PCCA: variants seen among roughly 807,000 people sequenced by gnomAD.
PCCA encodes the protein propionyl-CoA carboxylase alpha chain, mitochondrial.
In PCCA, 74 loss-of-function variants were observed where a neutral mutation model predicts 101.3. That is an observed-to-expected ratio of 0.73 (90% CI 0.61 to 0.89). PCCA has a LOEUF of 0.89. Ranked by LOEUF, PCCA falls within the 40% of genes least tolerant of loss-of-function variation. The pLI, the probability that PCCA is intolerant of heterozygous loss-of-function variation, is 0.00. For synonymous variants in PCCA, 294 were observed against 313.6 expected (o/e 0.94, Z 0.66); for missense variants, 891 against 907.0 (o/e 0.98, Z 0.23).
chr13:100,131,245 G>A (rs544637189), intron 4 of PCCA, among the ~76,000 whole-genome samples: 317 of 152,304 alleles, frequency 2.1e-3, no homozygotes, highest in Middle Eastern at 6.8e-3. Context: ...TCTGGTGCCA[G>A]AAGTGTCTCT....
intron 1 of PCCA, among the ~76,000 whole-genome samples, chr13:100,101,829 C>G (rs2047312413): frequency 2.0e-5 from 3 of 152,154 alleles, no homozygotes; most frequent in African/African-American, 7.2e-5. Flanking sequence ...TCGCAAACTC[C>G]TGACCTCAGG....
chr13:100,440,019 C>T (rs182157311), intron 20 of PCCA, among the ~76,000 whole-genome samples: 1 of 151,576 alleles, frequency 6.6e-6, no homozygotes, highest in Admixed American at 6.6e-5. Context: ...TTGAATAGGT[C>T]TTTGATATTC....
chr13:100,491,131 A>G (rs954881410), intron 21 of PCCA: 4 of 152,274 alleles, frequency 2.6e-5, no homozygotes, highest in African/African-American at 9.7e-5. Context: ...ATTGTAAGAA[A>G]TAGTCACTCA....
chr13:100,170,641 C>G (rs906724104), intron 6 of PCCA, among the ~76,000 whole-genome samples: 1 of 152,144 alleles, frequency 6.6e-6, no homozygotes. Context: ...ATGTTCCTAG[C>G]TTTTTATTCA....
At chr13:100,411,839 C>G (rs2078072046) in intron 19 of PCCA, among the ~76,000 whole-genome samples, 1 of 152,160 alleles carries the variant, frequency 6.6e-6, no homozygotes, top group Admixed American at 6.5e-5. Context: ...ACCTCATTAC[C>G]TCCCAAAGGT....
chr13:100,229,716 G>A (rs1322942169), intron 7 of PCCA, among the ~76,000 whole-genome samples: 1 of 152,238 alleles, frequency 6.6e-6, no homozygotes, highest in African/African-American at 2.4e-5. Flanking sequence ...CACAGCAGTA[G>A]GGTGGGCGCC....
At chr13:100,298,983 T>G (rs146959598) in intron 12 of PCCA, among the ~76,000 whole-genome samples, 191 of 152,142 alleles carry the variant, frequency 1.3e-3, no homozygotes, top group African/African-American at 4.2e-3. Flanking sequence ...TCAAAAATGT[T>G]TAAAATTATA....
chr13:100,156,541 T>A (rs2053910875), intron 5 of PCCA, among the ~76,000 whole-genome samples: 1 of 152,190 alleles, frequency 6.6e-6, no homozygotes, highest in Non-Finnish European at 1.5e-5. Context: ...AGCCAAAAAT[T>A]ACTTGATTGG....
At chr13:100,095,685 T>C (rs1353399494) in intron 1 of PCCA, among the ~76,000 whole-genome samples, 3 of 152,110 alleles carry the variant, frequency 2.0e-5, no homozygotes, top group Non-Finnish European at 4.4e-5. Flanking sequence ...GAGATTGCAT[T>C]TGGCATAATT....
At chr13:100,165,965 T>TATTGAA (rs1555364512) in intron 6 of PCCA, among the ~76,000 whole-genome samples, 1 of 152,232 alleles carries the variant, frequency 6.6e-6, no homozygotes, top group Non-Finnish European at 1.5e-5. Context: ...AAGAAAGCCT[T>TATTGAA]ATTGAAATAT....
At chr13:100,349,915 T>C (rs1445938236) in intron 18 of PCCA, among the ~76,000 whole-genome samples, 1 of 152,228 alleles carries the variant, frequency 6.6e-6, no homozygotes, top group Non-Finnish European at 1.5e-5. Context: ...TTTCCTCATC[T>C]GGCTTCCTGA....
intron 19 of PCCA, among the ~76,000 whole-genome samples, chr13:100,410,997 C>CT (rs1177145907): frequency 7.2e-5 from 11 of 152,122 alleles, no homozygotes; most frequent in Middle Eastern, 3.4e-3. Context: ...CACTGTCTGT[C>CT]TTTGAAGGGA....
At chr13:100,393,830 C>A (rs750985675) in intron 19 of PCCA, among the ~76,000 whole-genome samples, 23 of 152,300 alleles carry the variant, frequency 1.5e-4, no homozygotes, top group Non-Finnish European at 2.5e-4. Flanking sequence ...TTCTACTTAG[C>A]AAGTATATGA....
chr13:100,092,461 C>T (rs371397373), intron 1 of PCCA, among the ~76,000 whole-genome samples: 2 of 151,864 alleles, frequency 1.3e-5, no homozygotes, highest in Admixed American at 6.6e-5. Context: ...TGGCCTACTG[C>T]AGCCTCTGCC....
At chr13:100,195,628 G>GTT (rs2058057798) in intron 6 of PCCA, among the ~76,000 whole-genome samples, 1 of 152,094 alleles carries the variant, frequency 6.6e-6, no homozygotes, top group Non-Finnish European at 1.5e-5. Flanking sequence ...AGTGCAACCA[G>GTT]TCTAAGGTTT....
intron 18 of PCCA, among the ~76,000 whole-genome samples, chr13:100,350,064 G>A (rs369843350): frequency 5.3e-5 from 8 of 152,202 alleles, no homozygotes; most frequent in African/African-American, 1.7e-4. Flanking sequence ...AAAAGTTTAA[G>A]GTTTTTGAAA....
At chr13:100,517,046 CGTGTGTGTGTGTGTGTGT>C (rs3840814) in intron 22 of PCCA, among the ~76,000 whole-genome samples, 3 of 132,988 alleles carry the variant, frequency 2.3e-5, no homozygotes, top group Admixed American at 7.6e-5. Context: ...ATTATAAAAT[CGTGTGTGTGTGTGTGTGT>C]GTGTGTGTGT....
At chr13:100,104,268 GAAGA>G (rs2047550764) in intron 2 of PCCA, among the ~76,000 whole-genome samples, 1 of 152,162 alleles carries the variant, frequency 6.6e-6, no homozygotes, top group African/African-American at 2.4e-5. Context: ...AGGCCTGGAG[GAAGA>G]AAGAGTCTAC....
intron 12 of PCCA, among the ~76,000 whole-genome samples, chr13:100,274,198 G>A (rs991086224): frequency 3.9e-5 from 6 of 151,964 alleles, no homozygotes; most frequent in African/African-American, 1.5e-4. Context: ...TTTGAATTAC[G>A]CATACCTAAG....
Sources: gnomAD v4.1 joint callset for allele counts (sites outside exome capture counted in the v4.1 genomes callset) on GRCh38, gnomAD v4.1.1 for gene constraint, MANE v1.5 for transcripts, NCBI Gene and HGNC (gene_info 2026-07-23, HGNC 2026-07-21) for gene names.